The following OSBPL5 variants were observed in gnomAD, a reference collection of about 807,000 sequenced individuals.
The protein encoded by OSBPL5 is oxysterol-binding protein-related protein 5.
OSBPL5 carries 71 observed loss-of-function variants against 111.2 expected under a neutral mutation model. That is an observed-to-expected ratio of 0.64 (90% CI 0.53 to 0.78). The LOEUF (loss-of-function observed/expected upper bound fraction) is 0.78. OSBPL5 is among the 30% of genes least tolerant of loss of function. OSBPL5 has a pLI of 0.00. For synonymous variants in OSBPL5, 549 were observed against 513.9 expected, an observed-to-expected ratio of 1.07 and a Z score of -0.93; for missense variants, 1,210 against 1,189.3, an observed-to-expected ratio of 1.02 and a Z score of -0.26.
chr11:3,099,207 G>A (rs1274364503), intron 14 of OSBPL5, among the ~76,000 whole-genome samples: 1 of 152,224 alleles, frequency 6.6e-6, no homozygotes, highest in African/African-American at 2.4e-5. Context: ...GCCAGGGCCT[G>A]GAGGGACTGA....
At chr11:3,112,061 G>GTA (rs1272505817) in intron 7 of OSBPL5, among the ~76,000 whole-genome samples, 40 of 95,600 alleles carry the variant, frequency 4.2e-4, no homozygotes, top group African/African-American at 1.4e-3. Context: ...GTGTGCATGT[G>GTA]TATGTGTGTG....
rs1339462738 is a variant in OSBPL5 at position 3,113,212 on chromosome 11, T to C, written c.692-5267A>G. On this transcript the variant is annotated intron_variant, in intron 7 of 21. Coordinates refer to ENST00000263650, the MANE Select transcript of OSBPL5 (RefSeq NM_020896.4). This position sits in a 1 kb window ranked among gnomAD's most constrained non-coding sequence, Gnocchi z 4.8. Reference sequence around the variant, plus strand: ...AATAAGCTAGCTTTAAAATTATTGGTAAAGTAATATTAGAAATGTCTTAAG... The same window carrying C: ...AATAAGCTAGCTTTAAAATTATTGGCAAAGTAATATTAGAAATGTCTTAAG... Among the ~76,000 whole-genome samples the C allele has an allele frequency of 6.6e-6, 1 of 152,234 alleles. No individual in the cohort carries two copies. Among genetic ancestry groups the C allele is most frequent in the East Asian group, 1.9e-4 (1 of 5,204 alleles).
intron 21 of OSBPL5, 152 bp from the exon 22 acceptor site, chr11:3,088,495 G>T: frequency 4.3e-6 from 4 of 933,860 alleles, no homozygotes; most frequent in South Asian, 2.8e-5. Flanking sequence ...CAGAGCGGGT[G>T]GGGGTGGAAA....
At chr11:3,160,167 A>G (rs1846912328) in intron 1 of OSBPL5, among the ~76,000 whole-genome samples, 1 of 152,110 alleles carries the variant, frequency 6.6e-6, no homozygotes. Flanking sequence ...GGTGGGGGTG[A>G]GGTTCATCCT....
chr11:3,122,048 C>T lies in OSBPL5; in HGVS notation c.351G>A (p.Leu117=). 6.3e-7 allele frequency: 1 copy of T among 1,583,170 alleles called. No homozygotes were observed. The highest frequency in any genetic ancestry group is 8.6e-7 in the Non-Finnish European group (1 of 1,169,442). The part of the protein sequence containing the change: ...RQEKKRATRQ[L]LSALTDPSVV... The stretch of plus-strand genomic sequence containing the variant: ...CGCTGGGGTCTGTCAGAGCGCTGAG[C>T]AGCTGCCGTGTGGCGCGCTTCTTCT... The change falls in exon 5 of 22, where the codon CTG becomes CTA. Residue 117 remains leucine, a synonymous_variant. Transcript: ENST00000263650.
chr11:3,107,308 C>A lies in OSBPL5; in HGVS notation c.1014G>T (p.Arg338=). The part of the protein sequence containing the change: ...DQSETPGAPV[R]RGTTYVEQVQ... The stretch of plus-strand genomic sequence containing the variant: ...CCTGCTCCACATAGGTGGTCCCTCT[C>A]CGCACCGGGGCCCCAGGGGTCTCTG... Residue 338 remains arginine, a synonymous_variant, in exon 9 of 22, where the codon CGG becomes CGT. Transcript: ENST00000263650. This position sits in a 1 kb window ranked among gnomAD's most constrained non-coding sequence, Gnocchi z 6.1. 6.2e-7 allele frequency: 1 copy of A among 1,613,720 alleles called. No individual in the cohort carries two copies. Among genetic ancestry groups the A allele is most frequent in the Non-Finnish European group, 8.5e-7 (1 of 1,179,948 alleles).
At chr11:3,090,261 CA>C (rs1169284070) in intron 20 of OSBPL5, among the ~76,000 whole-genome samples, 2 of 152,212 alleles carry the variant, frequency 1.3e-5, no homozygotes, top group African/African-American at 4.8e-5. Context: ...AGGAAAGGAG[CA>C]GAGGGCTGGG....
chr11:3,149,396 C>A (rs997612627), intron 1 of OSBPL5, among the ~76,000 whole-genome samples: 1 of 152,238 alleles, frequency 6.6e-6, no homozygotes, highest in Non-Finnish European at 1.5e-5. Flanking sequence ...AGTGTACTGG[C>A]CTCTGGTGAG....
chr11:3,111,961 G>GTGTGTGCATATGTGTGTGCGCGCA (rs1364086724), intron 7 of OSBPL5, among the ~76,000 whole-genome samples: 1 of 148,898 alleles, frequency 6.7e-6, no homozygotes, highest in Non-Finnish European at 1.5e-5. Context: ...AGCTGTGTGT[G>GTGTGTGCATATGTGTGTGCGCGCA]TGTGTGTGCA....
chr11:3,122,665 G>A (rs1290991148), intron 3 of OSBPL5, among the ~76,000 whole-genome samples: 2 of 151,938 alleles, frequency 1.3e-5, no homozygotes, highest in Non-Finnish European at 2.9e-5. Flanking sequence ...TGACAGGAGG[G>A]GACCCATCCT....
chr11:3,104,076 G>A lies in OSBPL5; in HGVS notation c.1244+117C>T, dbSNP rs1168993083. ...TACAGCTGCAGAAACAGTGGGCTGA[G>A]ATCAGCCATGGGATTCTCTGGAAGC... is the stretch of plus-strand genomic sequence containing the variant. On this transcript the variant is annotated intron_variant, in intron 10 of 21. Transcript: ENST00000263650. This position sits in a 1 kb window ranked among gnomAD's most constrained non-coding sequence, Gnocchi z 5.0. 6 of 1,237,322 alleles carry A rather than the reference G, an allele frequency of 4.8e-6. No homozygotes were observed. The African/African-American group carries it at 7.5e-5, about 16-fold the overall frequency. The allele number at this position is 1,237,322 out of a possible 1,614,324, so 76.6% of individuals were successfully genotyped here. A position where few individuals can be genotyped will look rare whatever the true frequency, so the allele number is the denominator to read the frequency against.
rs1045244539 is a variant in OSBPL5 at position 3,121,537 on chromosome 11, G to C, written c.402+460C>G. On this transcript the variant is annotated intron_variant, in intron 5 of 21. Transcript: ENST00000263650. The surrounding 1 kb of genome is among the most constrained non-coding windows in gnomAD (Gnocchi z 4.3). ...TGGTATGCGTTGCCCAGCAGCCTCG[G>C]AGTTGGGCAGTTTTACCTCCACTGT... is the stretch of plus-strand genomic sequence containing the variant. 6.6e-6 allele frequency among the ~76,000 whole-genome samples: 1 copy of C among 152,116 alleles called. No individual in the cohort carries two copies. The highest frequency in any genetic ancestry group is 1.5e-5 in the Non-Finnish European group (1 of 68,028).
At position 3,101,597 on chromosome 11, in the gene OSBPL5, C is replaced by T; in HGVS notation, c.1522+6G>A. On this transcript the variant is annotated splice_donor_region_variant and intron_variant, in intron 13 of 21. Transcript: ENST00000263650. Reference sequence around the variant, plus strand: ...CCCCAGGGAGCGCCCAGGGTGACCCCCTCACCATAAAACCTGGACTTGGCT... The same window carrying T: ...CCCCAGGGAGCGCCCAGGGTGACCCTCTCACCATAAAACCTGGACTTGGCT... 1 of 1,612,054 alleles carries T rather than the reference C, an allele frequency of 6.2e-7. No individual in the cohort carries two copies. Among genetic ancestry groups the T allele is most frequent in the Non-Finnish European group, 8.5e-7 (1 of 1,178,488 alleles).
rs1013524159 is a variant in OSBPL5, at chr11:3,106,019, T to C, written c.1059+1244A>G. 3.9e-5 allele frequency among the ~76,000 whole-genome samples: 6 copies of C among 152,198 alleles called. No homozygotes were observed. The highest frequency in any genetic ancestry group is 1.4e-4 in the African/African-American group (6 of 41,532). ...CCGCCCCTCGGCTGTCCCGAGGCCC[T>C]TGCCTAACCCGCCGGTGGCTTCCCC... On this transcript the variant is annotated intron_variant, in intron 9 of 21. Coordinates refer to ENST00000263650, the MANE Select transcript of OSBPL5 (RefSeq NM_020896.4). The surrounding 1 kb of genome is among the most constrained non-coding windows in gnomAD (Gnocchi z 8.4).
chr11:3,108,269 A>G (rs1415683995), intron 7 of OSBPL5, among the ~76,000 whole-genome samples: 1 of 151,648 alleles, frequency 6.6e-6, no homozygotes, highest in Non-Finnish European at 1.5e-5. Flanking sequence ...ATCCCCACGC[A>G]CCTCCACCAC....
At position 3,102,216 on chromosome 11, in the gene OSBPL5, C is replaced by G. The variant is rs1337405123; in HGVS notation, c.1392G>C (p.Gln464His). ...ETFRCCWFHP[Q>H]TDSRTFYIAE... ...CTATGTAGAATGTGCGGCTGTCAGT[C>G]TGCGGGTGGAACCAGCAGCAGCGGA... Residue 464 changes from glutamine (Q) to histidine (H), a missense_variant, in exon 12 of 22, where the codon CAG (glutamine) becomes CAC (histidine). Coordinates refer to ENST00000263650, the MANE Select transcript of OSBPL5 (RefSeq NM_020896.4). 6.2e-7 allele frequency: 1 copy of G among 1,608,708 alleles called. No individual in the cohort carries two copies.
intron 14 of OSBPL5, among the ~76,000 whole-genome samples, chr11:3,097,374 T>C (rs576624421): frequency 6.6e-6 from 1 of 152,214 alleles, no homozygotes; most frequent in African/African-American, 2.4e-5. Flanking sequence ...GAAACATTTG[T>C]ATTGGGCCTG....
Position 3,138,436 on chromosome 11 carries a change from G to A in OSBPL5, c.-21-9267C>T, listed in dbSNP as rs541784379. ...TGGCAGCAGGGGTCAGCCGGGGAGGGAGGGGTAAGGGAGTGGGGGCCGTCA... is the reference window on the plus strand; with the variant it reads ...TGGCAGCAGGGGTCAGCCGGGGAGGAAGGGGTAAGGGAGTGGGGGCCGTCA... On this transcript the variant is annotated intron_variant, in intron 1 of 21. Coordinates refer to ENST00000263650, the MANE Select transcript of OSBPL5 (RefSeq NM_020896.4). 1.8e-3 allele frequency among the ~76,000 whole-genome samples: 281 copies of A among 152,366 alleles called. 2 individuals are homozygous for A. The highest frequency in any genetic ancestry group is 6.5e-3 in the African/African-American group (271 of 41,590).
intron 13 of OSBPL5, 60 bp downstream of exon 13, chr11:3,101,543 G>A: frequency 6.7e-7 from 1 of 1,485,996 alleles, no homozygotes; most frequent in Non-Finnish European, 9.4e-7. Flanking sequence ...GGCTCCCGGA[G>A]TCCTCCCGAC....
Sources: allele counts gnomAD v4.1 joint callset (sites outside exome capture counted in the v4.1 genomes callset), GRCh38; gene constraint gnomAD v4.1.1; non-coding constraint Gnocchi (gnomAD v3.1); transcripts MANE v1.5; gene names NCBI Gene and HGNC (gene_info 2026-07-23, HGNC 2026-07-21).